The following SCAPER variants were observed in gnomAD, a reference collection of about 807,000 sequenced individuals.
SCAPER encodes S-phase cyclin A associated protein in the ER.
Under a neutral mutation model 182.2 loss-of-function variants are expected in SCAPER, and 98 were observed. The observed-to-expected ratio is 0.54, with a 90% CI of 0.46 to 0.64. The LOEUF is 0.64. Among genes scored for constraint, SCAPER ranks in the 30% least tolerant of loss-of-function variants. SCAPER has a pLI of 0.00. For synonymous variants in SCAPER, 605 were observed against 564.6 expected (o/e 1.07, Z -1.01); for missense variants, 1,432 against 1,690.0 (o/e 0.85, Z 2.68).
At chr15:76,856,285 G>T (rs2071359573) in intron 4 of SCAPER, among the ~76,000 whole-genome samples, 1 of 152,092 alleles carries the variant, frequency 6.6e-6, no homozygotes, top group Non-Finnish European at 1.5e-5. Flanking sequence ...AGAAAAAAGA[G>T]AAAGAGGAAA....
At chr15:76,485,929 T>C (rs3110185) in intron 24 of SCAPER, among the ~76,000 whole-genome samples, 2 of 152,164 alleles carry the variant, frequency 1.3e-5, no homozygotes, top group East Asian at 1.9e-4. Context: ...AACTATCGGC[T>C]GGGTGCAGTG....
chr15:76,430,788 G>A (rs1253223630), intron 26 of SCAPER, among the ~76,000 whole-genome samples: 1 of 152,136 alleles, frequency 6.6e-6, no homozygotes, highest in Non-Finnish European at 1.5e-5. Flanking sequence ...AAGACTTTGG[G>A]GGACTGTTGG....
intron 23 of SCAPER, among the ~76,000 whole-genome samples, chr15:76,570,425 T>C (rs1191666214): frequency 1.3e-5 from 2 of 152,162 alleles, no homozygotes; most frequent in Non-Finnish European, 2.9e-5. Context: ...AAATGCCAAA[T>C]TTCTGGATCT....
rs779010671 is a variant in SCAPER, at chr15:76,728,576, A to C, written c.2165+19T>G. The stretch of plus-strand genomic sequence containing the variant: ...ATTCACTCAGTGCAAAATGTTCATC[A>C]AGATAGCAAATGAGATACCTAGCTC... On this transcript the variant is annotated intron_variant, in intron 17 of 31. Transcript: ENST00000563290. 3.1e-6 allele frequency: 5 copies of C among 1,612,944 alleles called. No homozygotes were observed. The East Asian group carries it at 1.1e-4, about 36-fold the overall frequency.
At chr15:76,700,441 C>T (rs1361645990) in intron 20 of SCAPER, among the ~76,000 whole-genome samples, 1 of 152,228 alleles carries the variant, frequency 6.6e-6, no homozygotes. Flanking sequence ...GAGTGGACCA[C>T]TCCTTGCTTA....
At chr15:76,783,131 A>T (rs781528291) in intron 8 of SCAPER, among the ~76,000 whole-genome samples, 1 of 152,152 alleles carries the variant, frequency 6.6e-6, no homozygotes, top group Non-Finnish European at 1.5e-5. Flanking sequence ...TTGATAGACC[A>T]CTAGCAAGAC....
chr15:76,743,193 T>C (rs960473474), intron 15 of SCAPER, among the ~76,000 whole-genome samples: 2 of 152,134 alleles, frequency 1.3e-5, no homozygotes, highest in Non-Finnish European at 2.9e-5. Context: ...GTCACTATGA[T>C]AATAAAAATA....
intron 4 of SCAPER, among the ~76,000 whole-genome samples, chr15:76,855,397 T>C (rs774381658): frequency 2.7e-5 from 4 of 147,892 alleles, no homozygotes; most frequent in African/African-American, 7.6e-5. Context: ...CCAAAAGCAA[T>C]TGACACAAAA....
At chr15:76,495,993 GACACACACACACACACACAC>G (rs971206080) in intron 24 of SCAPER, among the ~76,000 whole-genome samples, 4 of 58,462 alleles carry the variant, frequency 6.8e-5, no homozygotes, top group African/African-American at 1.7e-4. Context: ...AAAAGAGAGA[GACACACACACACACACACAC>G]ACACACACAC....
intron 29 of SCAPER, among the ~76,000 whole-genome samples, chr15:76,362,079 T>C (rs1268569099): frequency 6.6e-6 from 1 of 151,962 alleles, no homozygotes; most frequent in Admixed American, 6.6e-5. Flanking sequence ...TTCAAGCGAT[T>C]CTCCTGCTTC....
chr15:76,848,136 T>C (rs1357912340), intron 4 of SCAPER, among the ~76,000 whole-genome samples: 1 of 150,910 alleles, frequency 6.6e-6, no homozygotes, highest in East Asian at 2.0e-4. Context: ...GCCTCCCGAG[T>C]AGCTGGGATT....
At chr15:76,726,830 G>A (rs1420705196) in intron 17 of SCAPER, among the ~76,000 whole-genome samples, 3 of 151,928 alleles carry the variant, frequency 2.0e-5, no homozygotes, top group Admixed American at 6.6e-5. Flanking sequence ...AGAGGCAAGT[G>A]GGGGTATGGA....
intron 5 of SCAPER, among the ~76,000 whole-genome samples, chr15:76,829,358 C>G (rs542987461): frequency 6.6e-6 from 1 of 152,050 alleles, no homozygotes; most frequent in Non-Finnish European, 1.5e-5. Flanking sequence ...ATTGACAGAT[C>G]AAGGAGATTC....
At chr15:76,877,168 G>A (rs946334398) in intron 2 of SCAPER, among the ~76,000 whole-genome samples, 4 of 149,562 alleles carry the variant, frequency 2.7e-5, no homozygotes, top group African/African-American at 7.4e-5. Context: ...CTGTAATTAC[G>A]CCACTGCACT....
In SCAPER at chr15:76,439,613, C is replaced by T. The variant is rs79317108; in HGVS notation, c.3079-5303G>A. Among the ~76,000 whole-genome samples the T allele has an allele frequency of 1.2e-4, 18 of 152,322 alleles. No individual in the cohort carries two copies. The East Asian group carries it at 3.1e-3, about 26-fold the overall frequency. On this transcript the variant is annotated intron_variant, in intron 25 of 31. Coordinates refer to ENST00000563290, the MANE Select transcript of SCAPER (RefSeq NM_020843.4). The stretch of plus-strand genomic sequence containing the variant: ...CTTGAGTTTGAACTTACTTTCAGCA[C>T]AGCTGCTGGGCCAAGGGCCTGTCCT...
chr15:76,745,933 A>C (rs2061769836), intron 15 of SCAPER, among the ~76,000 whole-genome samples: 1 of 152,238 alleles, frequency 6.6e-6, no homozygotes. Flanking sequence ...GAAAACAAAA[A>C]GATAAAAATA....
intron 22 of SCAPER, among the ~76,000 whole-genome samples, chr15:76,575,989 C>T (rs988457556): frequency 6.6e-6 from 1 of 152,168 alleles, no homozygotes; most frequent in Non-Finnish European, 1.5e-5. Context: ...ATGTAACATG[C>T]TACTTTTACA....
At chr15:76,671,753 G>GA (rs1407754358) in intron 20 of SCAPER, among the ~76,000 whole-genome samples, 5 of 151,426 alleles carry the variant, frequency 3.3e-5, no homozygotes, top group African/African-American at 1.2e-4. Flanking sequence ...CTGGGAGACA[G>GA]AGCGAGACTC....
At chr15:76,664,222 C>T (rs145831890) in intron 21 of SCAPER, among the ~76,000 whole-genome samples, 28 of 152,218 alleles carry the variant, frequency 1.8e-4, no homozygotes, top group African/African-American at 6.7e-4. Context: ...TATACAAGGG[C>T]AGAAACAAGA....
Sources: gnomAD v4.1 joint callset for allele counts (sites outside exome capture counted in the v4.1 genomes callset) on GRCh38, gnomAD v4.1.1 for gene constraint, MANE v1.5 for transcripts, NCBI Gene and HGNC (gene_info 2026-07-23, HGNC 2026-07-21) for gene names.